The following ZNF292 variants were observed in gnomAD, a reference collection of about 807,000 sequenced individuals.
ZNF292 encodes 16 zinc-finger domain protein.
Under a neutral mutation model 217.9 loss-of-function variants are expected in ZNF292, and 26 were observed. The ratio of observed to expected loss-of-function variants is 0.12; its 90% CI spans 0.09 to 0.17. The LOEUF (loss-of-function observed/expected upper bound fraction) is 0.17. Ranked by LOEUF, ZNF292 falls within the 10% of genes least tolerant of loss-of-function variation. The pLI is 1.00. For missense variants in ZNF292, 2,904 were observed against 3,175.2 expected, an observed-to-expected ratio of 0.91 and a Z score of 2.05; for synonymous variants, 1,257 against 1,124.1, an observed-to-expected ratio of 1.12 and a Z score of -2.37.
rs377265584 is a variant in ZNF292, at chr6:87,258,556, G to C, written c.4927G>C (p.Ala1643Pro). 6.2e-7 allele frequency: 1 copy of C among 1,613,582 alleles called. No individual in the cohort carries two copies. Among genetic ancestry groups the C allele is most frequent in the Admixed American group, 1.7e-5 (1 of 59,910 alleles). The part of the protein sequence containing the change: ...KVAPPLIAPN[A>P]SQNLVTSDLT... ...TGCTCCTCCACTAATTGCACCTAAC[G>C]CTTCCCAAAACTTGGTAACAAGTGA... The change falls in exon 8 of 8, where the codon GCT becomes CCT. Residue 1643 changes from alanine to proline, a missense_variant. Physicochemically the swap from Ala to Pro is conservative, Grantham distance 27. Around this residue, in one of 15 missense-constraint regions of ZNF292, gnomAD observed 622 missense variants for 573.1 expected, o/e 1.09. Coordinates refer to ENST00000369577, the MANE Select transcript of ZNF292 (RefSeq NM_015021.3).
rs148741170 is a variant in ZNF292 at position 87,179,543 on chromosome 6, T to G, written c.168+23784T>G. 6.9e-3 allele frequency among the ~76,000 whole-genome samples: 1,052 copies of G among 152,274 alleles called. 17 individuals are homozygous for G. Among genetic ancestry groups the G allele is most frequent in the African/African-American group, 0.023 (952 of 41,560 alleles). On this transcript the variant is annotated intron_variant, in intron 1 of 7. Transcript: ENST00000369577. ...TTTTCTACAGCAGTGGTCTTCAAAT[T>G]TTTTAATTGGGTACCTTACCAGAAA...
At chr6:87,176,942 C>G (rs754251377) in intron 1 of ZNF292, among the ~76,000 whole-genome samples, 16 of 152,076 alleles carry the variant, frequency 1.1e-4, no homozygotes, top group Non-Finnish European at 1.8e-4. Context: ...TCCAGTTTTC[C>G]CTCCATCCTC....
chr6:87,209,104 A>AAC lies in ZNF292; in HGVS notation c.169-6799_169-6798insAC, dbSNP rs1772370238. On this transcript the variant is annotated intron_variant, in intron 1 of 7. Transcript: ENST00000369577. The stretch of plus-strand genomic sequence containing the variant: ...TTATCTCATTTTTAGCCCCACTTTC[A>AAC]CCCCCCCCTCCCCATTTTCAGAGGC... Among the ~76,000 whole-genome samples, 7 of 137,304 alleles carry AAC rather than the reference A, an allele frequency of 5.1e-5. 1 individual carries two copies. The highest frequency in any genetic ancestry group is 1.8e-4 in the African/African-American group (6 of 33,482). The allele number at this position is 137,304 out of a possible 152,430, so 90.1% of individuals were successfully genotyped here. A position where few individuals can be genotyped will look rare whatever the true frequency, so the allele number is the denominator to read the frequency against.
intron 7 of ZNF292, among the ~76,000 whole-genome samples, chr6:87,247,640 G>T (rs533240811): frequency 1.3e-5 from 2 of 152,184 alleles, no homozygotes; most frequent in African/African-American, 4.8e-5. Flanking sequence ...GTCAACACAG[G>T]CGTCTCATAA....
chr6:87,158,825 T>C lies in ZNF292; in HGVS notation c.168+3066T>C, dbSNP rs142775662. Among the ~76,000 whole-genome samples the C allele has an allele frequency of 7.5e-3, 1,144 of 152,380 alleles. 22 individuals are homozygous for C. The highest frequency in any genetic ancestry group is 0.025 in the African/African-American group (1,036 of 41,586). On this transcript the variant is annotated intron_variant, in intron 1 of 7. Coordinates refer to ENST00000369577, the MANE Select transcript of ZNF292 (RefSeq NM_015021.3). ...CAGGGATACTAGGAGCTAGAAATTATGTCTTAGTTTCTAACCTTGAGATTA... is the reference window on the plus strand; with the variant it reads ...CAGGGATACTAGGAGCTAGAAATTACGTCTTAGTTTCTAACCTTGAGATTA...
At chr6:87,156,009 C>G (rs1770519237) in intron 1 of ZNF292, among the ~76,000 whole-genome samples, 1 of 152,260 alleles carries the variant, frequency 6.6e-6, no homozygotes, top group Non-Finnish European at 1.5e-5. Context: ...CTTTCCTTCC[C>G]TGAACTCGGG....
At chr6:87,157,415 T>TA (rs1158476291) in intron 1 of ZNF292, among the ~76,000 whole-genome samples, 1 of 152,228 alleles carries the variant, frequency 6.6e-6, no homozygotes, top group Non-Finnish European at 1.5e-5. Context: ...TTCTCTAAGA[T>TA]ACCCATAATA....
At chr6:87,216,946 G>A (rs1197452839) in intron 3 of ZNF292, among the ~76,000 whole-genome samples, 1 of 151,896 alleles carries the variant, frequency 6.6e-6, no homozygotes, top group Non-Finnish European at 1.5e-5. Flanking sequence ...CTTATATGAG[G>A]TACTACACAA....
At chr6:87,159,365 A>AT (rs1288582934) in intron 1 of ZNF292, among the ~76,000 whole-genome samples, 3 of 151,616 alleles carry the variant, frequency 2.0e-5, no homozygotes, top group East Asian at 1.9e-4. Flanking sequence ...TAAATTTTAA[A>AT]TTTTTTTATA....
rs114174209 is a variant in ZNF292 at position 87,202,149 on chromosome 6, C to T, written c.169-13754C>T. ...TTGCTTTGACTTTTTAAATATGGCT[C>T]ATATTGTCATCTTTAACTTGTCTTC... is the stretch of plus-strand genomic sequence containing the variant. On this transcript the variant is annotated intron_variant, in intron 1 of 7. Coordinates refer to ENST00000369577, the MANE Select transcript of ZNF292 (RefSeq NM_015021.3). Among the ~76,000 whole-genome samples the T allele has an allele frequency of 5.6e-3, 853 of 152,294 alleles. 5 individuals carry two copies. Among genetic ancestry groups the T allele is most frequent in the African/African-American group, 0.019 (810 of 41,574 alleles).
intron 4 of ZNF292, among the ~76,000 whole-genome samples, chr6:87,225,623 C>T (rs1773308206): frequency 6.6e-6 from 1 of 152,066 alleles, no homozygotes; most frequent in African/African-American, 2.4e-5. Context: ...CAATCACAAC[C>T]CATCTTTTTT....
Position 87,263,551 on chromosome 6 carries a change from T to C in ZNF292, c.*1750T>C, listed in dbSNP as rs1775711036. 6.6e-6 allele frequency: 1 copy of C among 152,002 alleles called. No individual in the cohort carries two copies. Among genetic ancestry groups the C allele is most frequent in the Non-Finnish European group, 1.5e-5 (1 of 67,940 alleles). The allele number at this position is 152,002 out of a possible 1,614,324, so 9.4% of individuals were successfully genotyped here. ...TAAAGTATTTTATTTTTAGGGCCTTTTGGGTTTTATTGAATAGTTCATTTC... is the reference window on the plus strand; with the variant it reads ...TAAAGTATTTTATTTTTAGGGCCTTCTGGGTTTTATTGAATAGTTCATTTC... On this transcript the variant is annotated 3_prime_UTR_variant, in exon 8 of 8. Coordinates refer to ENST00000369577, the MANE Select transcript of ZNF292 (RefSeq NM_015021.3).
intron 7 of ZNF292, among the ~76,000 whole-genome samples, chr6:87,246,291 G>A (rs1020275671): frequency 2.0e-5 from 3 of 152,204 alleles, no homozygotes; most frequent in Non-Finnish European, 4.4e-5. Flanking sequence ...AATATATAGT[G>A]CTAGGTTCCT....
chr6:87,238,835 G>A (rs1239166045), intron 5 of ZNF292, among the ~76,000 whole-genome samples: 8 of 150,364 alleles, frequency 5.3e-5, no homozygotes, highest in African/African-American at 1.7e-4. Flanking sequence ...GGGGCCTTCC[G>A]CAGTGTTTGT....
In ZNF292 at chr6:87,260,887, C is replaced by T; in HGVS notation, c.7258C>T (p.His2420Tyr). 6.2e-7 allele frequency: 1 copy of T among 1,610,382 alleles called. No homozygotes were observed. The highest frequency in any genetic ancestry group is 8.5e-7 in the Non-Finnish European group (1 of 1,178,160). Residue 2420 changes from histidine to tyrosine, a missense_variant, in exon 8 of 8, where the codon CAC (histidine) becomes TAC (tyrosine). This residue lies in a region of ZNF292 where 380 missense variants were observed against 355.3 expected (regional missense o/e 1.07). Transcript: ENST00000369577. ...HKLSKAFTSQHRNLLIVFKRC... is the reference protein window; with the variant it reads ...HKLSKAFTSQYRNLLIVFKRC... ...ATTATCTAAGGCATTTACATCACAA[C>T]ACCGAAATCTTCTTATTGTATTCAA...
chr6:87,219,926 A>G (rs1772994437), intron 4 of ZNF292, among the ~76,000 whole-genome samples: 1 of 152,180 alleles, frequency 6.6e-6, no homozygotes, highest in Admixed American at 6.5e-5. Context: ...TCCAGACTCA[A>G]GTGATCCTTT....
chr6:87,248,272 A>G (rs865988215), intron 7 of ZNF292, among the ~76,000 whole-genome samples: 36 of 152,220 alleles, frequency 2.4e-4, no homozygotes, highest in African/African-American at 7.7e-4. Context: ...CTTTATAAGT[A>G]CCTTTTAAAA....
chr6:87,233,743 A>T (rs1773764803), intron 5 of ZNF292: 1 of 707,074 alleles, frequency 1.4e-6, no homozygotes. Flanking sequence ...AATAATATAC[A>T]TCTTTTAAAT....
At chr6:87,170,559 C>T (rs753152073) in intron 1 of ZNF292, among the ~76,000 whole-genome samples, 29 of 152,280 alleles carry the variant, frequency 1.9e-4, no homozygotes, top group South Asian at 6.2e-4. Flanking sequence ...CCTGATACTG[C>T]AAATTCTGCC....
Sources: gnomAD v4.1 joint callset for allele counts (sites outside exome capture counted in the v4.1 genomes callset) on GRCh38, gnomAD v4.1.1 for gene constraint, gnomAD v4.1.1 regional missense constraint, MANE v1.5 for transcripts, NCBI Gene and HGNC (gene_info 2026-07-23, HGNC 2026-07-21) for gene names.